SPATA6L: variants seen among roughly 807,000 people sequenced by gnomAD.
The protein encoded by SPATA6L is spermatogenesis associated 6 like.
In SPATA6L, 68 loss-of-function variants were observed where a neutral mutation model predicts 49.2. The ratio of observed to expected loss-of-function variants is 1.38; its 90% CI spans 1.14 to 1.69. SPATA6L has a LOEUF of 1.69. Ranked by LOEUF, SPATA6L falls within the 40% of genes most tolerant of loss-of-function variation. The pLI, the probability that SPATA6L is intolerant of heterozygous loss-of-function variation, is 0.00. For synonymous variants in SPATA6L, 198 were observed against 165.7 expected (o/e 1.19, Z -1.50); for missense variants, 668 against 464.3 (o/e 1.44, Z -4.03).
At chr9:4,635,529 T>C in intron 3 of SPATA6L, 130 bp from the exon 4 acceptor site, 2 of 845,360 alleles carry the variant, frequency 2.4e-6, no homozygotes, top group Non-Finnish European at 3.4e-6. Context: ...TAGCACATGT[T>C]ATTCAAGAGG....
rs375004235 is a variant in SPATA6L at position 4,644,658 on chromosome 9, TTCTC to T, written c.227-9263_227-9260del. The stretch of plus-strand genomic sequence containing the variant: ...AGGAGAATTTTCTGAGTTTTCAGTA[TTCTC>T]TCTCTCTCTCTCTCTCTCTCTCTCA... On this transcript the variant is annotated intron_variant, in intron 3 of 11. Coordinates refer to ENST00000682582, the MANE Select transcript of SPATA6L (RefSeq NM_001353486.2). Among the ~76,000 whole-genome samples, 527 of 143,038 alleles carry T rather than the reference TTCTC, an allele frequency of 3.7e-3. 1 individual carries two copies. Among genetic ancestry groups the T allele is most frequent in the South Asian group, 7.6e-3 (34 of 4,464 alleles). 93.8% of individuals were successfully genotyped at this position (143,038 alleles called of 152,430 possible). A position where few individuals can be genotyped will look rare whatever the true frequency, so the allele number is the denominator to read the frequency against.
intron 3 of SPATA6L, among the ~76,000 whole-genome samples, chr9:4,646,698 A>G (rs1393952053): frequency 6.6e-6 from 1 of 152,224 alleles, no homozygotes; most frequent in African/African-American, 2.4e-5. Flanking sequence ...GAATTAACCA[A>G]TCAAGAGAGT....
intron 5 of SPATA6L, chr9:4,626,314 C>G (rs932784848): frequency 8.5e-7 from 1 of 1,174,314 alleles, no homozygotes; most frequent in East Asian, 5.8e-5. Flanking sequence ...CCAGAGCCCC[C>G]TGTTCAGATT....
At position 4,616,841 on chromosome 9, in the gene SPATA6L, T is replaced by TC. The variant is rs1372140375; in HGVS notation, c.995+1081dup. 2.0e-5 allele frequency among the ~76,000 whole-genome samples: 3 copies of TC among 152,174 alleles called. No homozygotes were observed. The South Asian group carries it at 6.2e-4, about 32-fold the overall frequency. On this transcript the variant is annotated intron_variant, in intron 9 of 11. Coordinates refer to ENST00000682582, the MANE Select transcript of SPATA6L (RefSeq NM_001353486.2). ...CTCAGGTGATCCACCCACCTTGGCC[T>TC]CCCAAACTGCTGGGATTATAGGCAT...
intron 3 of SPATA6L, among the ~76,000 whole-genome samples, chr9:4,655,407 T>G (rs1414029097): frequency 6.6e-6 from 1 of 152,244 alleles, no homozygotes; most frequent in East Asian, 1.9e-4. Context: ...AGGGAGTGAT[T>G]GCTAATGGGC....
At chr9:4,629,061 T>C (rs946339296) in intron 5 of SPATA6L, 30 bp downstream of exon 5, 4 of 1,490,968 alleles carry the variant, frequency 2.7e-6, no homozygotes, top group Non-Finnish European at 2.8e-6. Flanking sequence ...AATCCGGTCA[T>C]TTCTATCACT....
chr9:4,666,397 C>A lies in SPATA6L; in HGVS notation c.-147G>T, dbSNP rs1045887313. 1.6e-5 allele frequency: 13 copies of A among 815,336 alleles called. No homozygotes were observed. The highest frequency in any genetic ancestry group is 4.6e-5 in the South Asian group (3 of 65,522). 50.5% of individuals were successfully genotyped at this position (815,336 alleles called of 1,614,324 possible). A position where few individuals can be genotyped will look rare whatever the true frequency, so the allele number is the denominator to read the frequency against. ...ACGCCCTTGTTCCCCTACCGTCCCC[C>A]CCAGCCCAGGTCCCTCCCACCGGGA... is the stretch of plus-strand genomic sequence containing the variant. On this transcript the variant is annotated 5_prime_UTR_variant, in exon 1 of 12. Transcript: ENST00000682582.
At chr9:4,664,221 G>C (rs1481047169) in intron 1 of SPATA6L, 2 of 167,030 alleles carry the variant, frequency 1.2e-5, no homozygotes, top group Non-Finnish European at 2.9e-5. Context: ...CAGGAGATGG[G>C]GCCCTGCTGC....
chr9:4,589,241 G>A (rs1162486069), intron 13 of SPATA6L, among the ~76,000 whole-genome samples: 1 of 152,252 alleles, frequency 6.6e-6, no homozygotes, highest in South Asian at 2.1e-4. Context: ...CAAAGATTCT[G>A]TTACAGACTA....
At chr9:4,634,149 T>C (rs1832265278) in intron 4 of SPATA6L, among the ~76,000 whole-genome samples, 2 of 152,238 alleles carry the variant, frequency 1.3e-5, no homozygotes, top group South Asian at 2.1e-4. Context: ...TGTTTGTAGA[T>C]GCCTTTTCTT....
intron 6 of SPATA6L, chr9:4,625,072 G>C: frequency 2.2e-6 from 1 of 450,802 alleles, no homozygotes; most frequent in Non-Finnish European, 3.7e-6. Flanking sequence ...ATTATACTCT[G>C]TTAATAATTT....
rs1833100062 is a variant in SPATA6L at position 4,637,767 on chromosome 9, G to A, written c.227-2368C>T. Among the ~76,000 whole-genome samples, 3 of 152,278 alleles carry A rather than the reference G, an allele frequency of 2.0e-5. No homozygotes were observed. The South Asian group carries it at 6.2e-4, about 32-fold the overall frequency. The stretch of plus-strand genomic sequence containing the variant: ...GGGACATAATGGGGACCTGACAAAT[G>A]CTTCTTAAATGAATGAACATGAGGA... On this transcript the variant is annotated intron_variant, in intron 3 of 11. Coordinates refer to ENST00000682582, the MANE Select transcript of SPATA6L (RefSeq NM_001353486.2).
intron 3 of SPATA6L, among the ~76,000 whole-genome samples, chr9:4,647,179 A>G (rs1835589989): frequency 6.6e-6 from 1 of 152,254 alleles, no homozygotes; most frequent in Admixed American, 6.5e-5. Flanking sequence ...ATAGAGCTCT[A>G]AAATAACAAT....
chr9:4,640,744 A>C (rs1833856867), intron 3 of SPATA6L, among the ~76,000 whole-genome samples: 1 of 152,192 alleles, frequency 6.6e-6, no homozygotes, highest in African/African-American at 2.4e-5. Context: ...ACTGTACTAC[A>C]TCTGAAGCTA....
chr9:4,603,750 A>G (rs1449202836), intron 11 of SPATA6L, among the ~76,000 whole-genome samples: 3 of 152,222 alleles, frequency 2.0e-5, no homozygotes, highest in Non-Finnish European at 4.4e-5. Flanking sequence ...GCTGTGTACT[A>G]AAGGGTACAC....
intron 9 of SPATA6L, among the ~76,000 whole-genome samples, chr9:4,617,094 A>G (rs1205355952): frequency 6.6e-6 from 1 of 152,184 alleles, no homozygotes; most frequent in Non-Finnish European, 1.5e-5. Context: ...CAAAGTTAAT[A>G]TAATTCCTGT....
rs1035146574 is a variant in SPATA6L at position 4,662,179 on chromosome 9, C to T, written c.40-143G>A. ...ACTCCCTCACCTGTACCTCCCAACG[C>T]CAACATCCTCCCCTCTGCTCTCCTC... On this transcript the variant is annotated intron_variant, in intron 1 of 11. Transcript: ENST00000682582. The surrounding 1 kb of genome is among the most constrained non-coding windows in gnomAD (Gnocchi z 4.9). The T allele has an allele frequency of 2.8e-6, 4 of 1,449,530 alleles. No individual in the cohort carries two copies. The African/African-American group carries it at 4.3e-5, about 16-fold the overall frequency. 89.8% of individuals were successfully genotyped at this position (1,449,530 alleles called of 1,614,324 possible).
intron 3 of SPATA6L, among the ~76,000 whole-genome samples, chr9:4,649,662 T>C (rs991442887): frequency 7.2e-5 from 11 of 152,258 alleles, no homozygotes; most frequent in Non-Finnish European, 1.6e-4. Context: ...CAGAGCGAGT[T>C]AATTAGGATG....
At chr9:4,647,556 A>G (rs1031222407) in intron 3 of SPATA6L, among the ~76,000 whole-genome samples, 1 of 152,182 alleles carries the variant, frequency 6.6e-6, no homozygotes, top group African/African-American at 2.4e-5. Flanking sequence ...TGTGTACTGC[A>G]CTCCAGCCTT....
Sources: gnomAD v4.1 joint callset for allele counts (sites outside exome capture counted in the v4.1 genomes callset) on GRCh38, gnomAD v4.1.1 for gene constraint, Gnocchi (gnomAD v3.1) non-coding constraint, MANE v1.5 for transcripts, NCBI Gene and HGNC (gene_info 2026-07-23, HGNC 2026-07-21) for gene names.